Variants in HTRA1 observed in about 807,000 individuals in gnomAD.
HTRA1 encodes HtrA serine peptidase 1.
Under a neutral mutation model 49.7 loss-of-function variants are expected in HTRA1, and 26 were observed. The observed-to-expected ratio is 0.52, with a 90% CI of 0.38 to 0.73. The LOEUF (loss-of-function observed/expected upper bound fraction) is 0.73, where lower values mean the gene tolerates loss of function less well. HTRA1 is among the 30% of genes least tolerant of loss of function. The pLI is 0.00. For missense variants in HTRA1, 561 were observed against 667.2 expected (o/e 0.84, Z 1.75); for synonymous variants, 291 against 286.9 (o/e 1.01, Z -0.14).
At chr10:122,474,675 T>G (rs1247638519) in intron 1 of HTRA1, among the ~76,000 whole-genome samples, 1 of 152,102 alleles carries the variant, frequency 6.6e-6, no homozygotes, top group African/African-American at 2.4e-5. Flanking sequence ...AGAGCAAAGT[T>G]AATGGTTTTT....
intron 1 of HTRA1, among the ~76,000 whole-genome samples, chr10:122,471,639 A>G (rs930380814): frequency 5.9e-5 from 9 of 152,142 alleles, no homozygotes; most frequent in African/African-American, 2.2e-4. Context: ...CTAGAGCTCA[A>G]CCCTTCACTT....
chr10:122,477,672 G>A (rs1476265865), intron 1 of HTRA1, among the ~76,000 whole-genome samples: 4 of 152,174 alleles, frequency 2.6e-5, no homozygotes, highest in African/African-American at 7.2e-5. Flanking sequence ...GTCTGCAGGC[G>A]ACCAGGAGAA....
chr10:122,483,948 T>C (rs2097492073), intron 1 of HTRA1, among the ~76,000 whole-genome samples: 1 of 152,238 alleles, frequency 6.6e-6, no homozygotes, highest in Admixed American at 6.5e-5. Flanking sequence ...CATATATTCG[T>C]AGATTTCTAG....
chr10:122,491,828 C>G (rs2097496004), intron 3 of HTRA1, among the ~76,000 whole-genome samples: 1 of 152,192 alleles, frequency 6.6e-6, no homozygotes, highest in African/African-American at 2.4e-5. Context: ...ACTGATGTGG[C>G]TTTTCAAAAT....
intron 3 of HTRA1, among the ~76,000 whole-genome samples, chr10:122,501,471 T>G: frequency 6.6e-6 from 1 of 152,164 alleles, no homozygotes; most frequent in East Asian, 1.9e-4. Flanking sequence ...ATTGGGATCC[T>G]CTCTTAAAAT....
chr10:122,504,095 C>T (rs143778775), intron 3 of HTRA1, among the ~76,000 whole-genome samples: 74 of 152,234 alleles, frequency 4.9e-4, no homozygotes, highest in East Asian at 2.3e-3. Flanking sequence ...CAGCAGGCAG[C>T]GTCCCCTGGA....
At chr10:122,499,123 A>C (rs183685319) in intron 3 of HTRA1, among the ~76,000 whole-genome samples, 4 of 152,198 alleles carry the variant, frequency 2.6e-5, no homozygotes, top group Admixed American at 2.6e-4. Flanking sequence ...CAGGTACCTA[A>C]TGCACCCGAC....
At chr10:122,502,737 A>G (rs536038090) in intron 3 of HTRA1, among the ~76,000 whole-genome samples, 2 of 152,274 alleles carry the variant, frequency 1.3e-5, no homozygotes, top group South Asian at 4.1e-4. Context: ...TCACTGCAGA[A>G]AGACTGTCGT....
intron 1 of HTRA1, among the ~76,000 whole-genome samples, chr10:122,478,083 C>A (rs2097489432): frequency 6.6e-6 from 1 of 152,214 alleles, no homozygotes; most frequent in Non-Finnish European, 1.5e-5. Flanking sequence ...ATCCTTAACC[C>A]TGAATCCTGG....
chr10:122,469,727 T>A (rs1454552050), intron 1 of HTRA1, among the ~76,000 whole-genome samples: 1 of 152,136 alleles, frequency 6.6e-6, no homozygotes, highest in African/African-American at 2.4e-5. Context: ...CTCCTAGAGG[T>A]TAGCTGTAAC....
At chr10:122,495,298 C>T (rs887899395) in intron 3 of HTRA1, among the ~76,000 whole-genome samples, 64 of 152,092 alleles carry the variant, frequency 4.2e-4, no homozygotes, top group Admixed American at 4.2e-3. Context: ...TCTTTTTCTC[C>T]GAGAACTCTG....
At position 122,483,946 on chromosome 10, in the gene HTRA1, C is replaced by T. The variant is rs573939972; in HGVS notation, c.473-4956C>T. The stretch of plus-strand genomic sequence containing the variant: ...ACATTGATAAACGCAGTCATATATT[C>T]GTAGATTTCTAGAATTTTTCTATAT... On this transcript the variant is annotated intron_variant, in intron 1 of 8. Coordinates refer to ENST00000368984, the MANE Select transcript of HTRA1 (RefSeq NM_002775.5). Among the ~76,000 whole-genome samples, 8 of 152,236 alleles carry T rather than the reference C, an allele frequency of 5.3e-5. No individual in the cohort carries two copies. In the East Asian group the frequency reaches 7.7e-4, roughly 15 times the overall value.
intron 1 of HTRA1, among the ~76,000 whole-genome samples, chr10:122,478,493 C>T (rs1287203803): frequency 6.8e-6 from 1 of 147,534 alleles, no homozygotes; most frequent in African/African-American, 2.5e-5. Flanking sequence ...CCTGGGTTCA[C>T]GCCATTCTCC....
At chr10:122,496,222 TGG>T (rs759778908) in intron 3 of HTRA1, among the ~76,000 whole-genome samples, 6 of 122,530 alleles carry the variant, frequency 4.9e-5, no homozygotes, top group Admixed American at 1.9e-4. Context: ...CCAGAGATTG[TGG>T]GTTCTTTTTT....
chr10:122,465,190 A>G (rs953706634), intron 1 of HTRA1, among the ~76,000 whole-genome samples: 3 of 152,226 alleles, frequency 2.0e-5, no homozygotes, highest in African/African-American at 4.8e-5. Context: ...AAGGCAAATC[A>G]TCTATTTCAG....
chr10:122,473,120 T>G (rs371089219), intron 1 of HTRA1, among the ~76,000 whole-genome samples: 14 of 152,356 alleles, frequency 9.2e-5, no homozygotes, highest in Middle Eastern at 3.4e-3. Context: ...TTGATGGCTC[T>G]TAGAGTTGAG....
intron 1 of HTRA1, among the ~76,000 whole-genome samples, chr10:122,472,406 T>G (rs1005140718): frequency 8.2e-5 from 10 of 121,486 alleles, no homozygotes; most frequent in African/African-American, 2.8e-4. Flanking sequence ...TTATTATTAT[T>G]ATTATTTTGA....
chr10:122,501,764 G>A (rs1051417753), intron 3 of HTRA1, among the ~76,000 whole-genome samples: 2 of 152,048 alleles, frequency 1.3e-5, no homozygotes, highest in African/African-American at 4.8e-5. Flanking sequence ...TCCACAGCAT[G>A]GTCATGGACA....
chr10:122,475,766 G>T (rs898420563), intron 1 of HTRA1, among the ~76,000 whole-genome samples: 1 of 152,200 alleles, frequency 6.6e-6, no homozygotes, highest in Admixed American at 6.5e-5. Context: ...CCATGTCCCC[G>T]GCGCCCTGGA....
Sources: gnomAD v4.1 joint callset for allele counts (sites outside exome capture counted in the v4.1 genomes callset) on GRCh38, gnomAD v4.1.1 for gene constraint, MANE v1.5 for transcripts, NCBI Gene and HGNC (gene_info 2026-07-23, HGNC 2026-07-21) for gene names.